The following USP6NL variants were observed in gnomAD, a reference collection of about 807,000 sequenced individuals.
USP6NL encodes USP6 N-terminal like, also known as USP6 N-terminal-like protein.
Under a neutral mutation model 61.9 loss-of-function variants are expected in USP6NL, and 26 were observed. That is an observed-to-expected ratio of 0.42 (90% confidence interval 0.31 to 0.58). USP6NL has a LOEUF of 0.58. Ranked by LOEUF, USP6NL falls within the 20% of genes least tolerant of loss-of-function variation. USP6NL has a pLI of 0.16. For synonymous variants in USP6NL, 432 were observed against 390.1 expected (o/e 1.11, Z -1.27); for missense variants, 1,114 against 1,034.3 (o/e 1.08, Z -1.06).
intron 1 of USP6NL, among the ~76,000 whole-genome samples, chr10:11,601,213 T>A (rs1838517361): frequency 6.6e-6 from 1 of 152,042 alleles, no homozygotes; most frequent in Non-Finnish European, 1.5e-5. Flanking sequence ...ATATCACAAG[T>A]ATTACTGATA....
Position 11,509,980 on chromosome 10 carries a change from G to T in USP6NL, c.196-305C>A, listed in dbSNP as rs527808209. 9.2e-5 allele frequency among the ~76,000 whole-genome samples: 14 copies of T among 152,260 alleles called. No individual in the cohort carries two copies. In the South Asian group the frequency reaches 2.7e-3, roughly 29 times the overall value. On this transcript the variant is annotated intron_variant, in intron 5 of 14. Transcript: ENST00000609104. ...TAAACAAAATTTTAAAAAATATTTT[G>T]AAATATTTTACAAAGCAACAAAAAC...
At chr10:11,567,543 A>T (rs1398662447) in intron 2 of USP6NL, among the ~76,000 whole-genome samples, 1 of 152,250 alleles carries the variant, frequency 6.6e-6, no homozygotes, top group Non-Finnish European at 1.5e-5. Context: ...TATACTGCTT[A>T]TAGTTTTCCA....
At chr10:11,555,904 T>A (rs1836691654) in intron 2 of USP6NL, among the ~76,000 whole-genome samples, 1 of 152,198 alleles carries the variant, frequency 6.6e-6, no homozygotes, top group African/African-American at 2.4e-5. Flanking sequence ...CAAGACATTC[T>A]GAAAGTTTCC....
Position 11,537,881 on chromosome 10 carries a change from G to A in USP6NL, c.5-10314C>T, listed in dbSNP as rs558089453. 6.6e-6 allele frequency among the ~76,000 whole-genome samples: 1 copy of A among 152,260 alleles called. No individual in the cohort carries two copies. The highest frequency in any genetic ancestry group is 2.1e-4 in the South Asian group (1 of 4,824). On this transcript the variant is annotated intron_variant, in intron 2 of 14. Transcript: ENST00000609104. This position sits in a 1 kb window ranked among gnomAD's most constrained non-coding sequence, Gnocchi z 5.1. ...GCTGCCACCTCAGCCTCCCTTCAAG[G>A]AGTCCCCTTGATTCTCCATGGCTTG...
rs2096226721 is a variant in USP6NL at position 11,463,519 on chromosome 10, T to C, written c.1409A>G (p.Asn470Ser). 9 of 1,614,064 alleles carry C rather than the reference T, an allele frequency of 5.6e-6. No individual in the cohort carries two copies. Among genetic ancestry groups the C allele is most frequent in the Non-Finnish European group, 7.6e-6 (9 of 1,179,906 alleles). ...ATTTGAAGTGGCGTTGCTATTTTGG[T>C]TGGCAGCTGCGTGATTATATTGCCT... ...SSRQYNHAAA[N>S]QNSNATSNIR... Residue 470 changes from asparagine to serine, a missense_variant, in exon 15 of 15, where the codon AAC becomes AGC. Asn to Ser is a conservative substitution (Grantham distance 46, BLOSUM62 1). Coordinates refer to ENST00000609104, the MANE Select transcript of USP6NL (RefSeq NM_014688.5). The surrounding 1 kb of genome is among the most constrained non-coding windows in gnomAD (Gnocchi z 6.3).
At position 11,525,610 on chromosome 10, in the gene USP6NL, CA is replaced by C. The variant is rs1336149821; in HGVS notation, c.73-143del. ...GGAAGTGAGGCATTATGAGCCTTAA[CA>C]TTTTTTTTTCCCCTTTAAACCCAAC... On this transcript the variant is annotated intron_variant, in intron 3 of 14. Coordinates refer to ENST00000609104, the MANE Select transcript of USP6NL (RefSeq NM_014688.5). This position sits in a 1 kb window ranked among gnomAD's most constrained non-coding sequence, Gnocchi z 5.0. The C allele has an allele frequency of 1.7e-5, 12 of 717,796 alleles. No homozygotes were observed. Among genetic ancestry groups the C allele is most frequent in the Non-Finnish European group, 2.5e-5 (12 of 476,134 alleles). 44.5% of individuals were successfully genotyped at this position (717,796 alleles called of 1,614,324 possible).
Position 11,485,960 on chromosome 10 carries a change from C to A in USP6NL, c.665-49G>T. On this transcript the variant is annotated intron_variant, in intron 10 of 14. Coordinates refer to ENST00000609104, the MANE Select transcript of USP6NL (RefSeq NM_014688.5). This position sits in a 1 kb window ranked among gnomAD's most constrained non-coding sequence, Gnocchi z 4.8. ...CATTTCATAAACAATACCAACAAAA[C>A]CCTCCAATCTTAAAACACAACATAT... 8.0e-7 allele frequency: 1 copy of A among 1,249,688 alleles called. No homozygotes were observed. Among genetic ancestry groups the A allele is most frequent in the Non-Finnish European group, 1.1e-6 (1 of 903,564 alleles). The allele number at this position is 1,249,688 out of a possible 1,614,324, so 77.4% of individuals were successfully genotyped here.
At chr10:11,533,786 C>A (rs762654807) in intron 2 of USP6NL, among the ~76,000 whole-genome samples, 1 of 152,126 alleles carries the variant, frequency 6.6e-6, no homozygotes, top group Admixed American at 6.5e-5. Context: ...GTTACAGCAG[C>A]ATGAAAACAC....
rs1050331956 is a variant in USP6NL at position 11,575,033 on chromosome 10, C to T, written c.4+22598G>A. ...GTGTTAGGTTCAGAAATCAGTGCTCCAAGCCATGACAGTGAGAAAATACTT... is the reference window on the plus strand; with the variant it reads ...GTGTTAGGTTCAGAAATCAGTGCTCTAAGCCATGACAGTGAGAAAATACTT... On this transcript the variant is annotated intron_variant, in intron 2 of 14. Transcript: ENST00000609104. This position sits in a 1 kb window ranked among gnomAD's most constrained non-coding sequence, Gnocchi z 4.2. 2.0e-5 allele frequency among the ~76,000 whole-genome samples: 3 copies of T among 152,144 alleles called. No homozygotes were observed. Among genetic ancestry groups the T allele is most frequent in the Admixed American group, 6.5e-5 (1 of 15,278 alleles).
chr10:11,597,421 C>T lies in USP6NL; in HGVS notation c.4+210G>A, dbSNP rs1038229061. ...CAAAGAGCTAATGACCAGATTTCCT[C>T]ATCACATGAAACTTTTTAGAATAAA... is the stretch of plus-strand genomic sequence containing the variant. On this transcript the variant is annotated intron_variant, in intron 2 of 14. Transcript: ENST00000609104. The surrounding 1 kb of genome is among the most constrained non-coding windows in gnomAD (Gnocchi z 4.6). 6.6e-6 allele frequency among the ~76,000 whole-genome samples: 1 copy of T among 152,228 alleles called. No individual in the cohort carries two copies. Among genetic ancestry groups the T allele is most frequent in the Non-Finnish European group, 1.5e-5 (1 of 68,034 alleles).
rs1049251043 is a variant in USP6NL at position 11,591,256 on chromosome 10, G to C, written c.4+6375C>G. On this transcript the variant is annotated intron_variant, in intron 2 of 14. Coordinates refer to ENST00000609104, the MANE Select transcript of USP6NL (RefSeq NM_014688.5). This position sits in a 1 kb window ranked among gnomAD's most constrained non-coding sequence, Gnocchi z 4.7. The stretch of plus-strand genomic sequence containing the variant: ...TTCTCTTAAGAATGGAGAGTCTCTT[G>C]AAACTATTATAAAGAAGTCATTTGG... Among the ~76,000 whole-genome samples, 1 of 151,864 alleles carries C rather than the reference G, an allele frequency of 6.6e-6. No individual in the cohort carries two copies. Among genetic ancestry groups the C allele is most frequent in the Non-Finnish European group, 1.5e-5 (1 of 67,932 alleles).
rs938485087 is a variant in USP6NL, at chr10:11,463,958, G to A, written c.1079-109C>T. The A allele has an allele frequency of 7.9e-6, 8 of 1,009,516 alleles. No homozygotes were observed. The highest frequency in any genetic ancestry group is 3.3e-5 in the African/African-American group (2 of 61,040). The allele number at this position is 1,009,516 out of a possible 1,614,324, so 62.5% of individuals were successfully genotyped here. On this transcript the variant is annotated intron_variant, in intron 14 of 14. Transcript: ENST00000609104. This position sits in a 1 kb window ranked among gnomAD's most constrained non-coding sequence, Gnocchi z 6.3. ...GCTTTTCATCTGTGCACAGATACAC[G>A]CTGACATACAACACACTGTCATACA...
intron 2 of USP6NL, among the ~76,000 whole-genome samples, chr10:11,567,633 A>AT (rs1479551907): frequency 6.6e-6 from 1 of 152,268 alleles, no homozygotes; most frequent in East Asian, 1.9e-4. Flanking sequence ...AGAGCTCTGT[A>AT]TTCTGTTCCA....
intron 2 of USP6NL, among the ~76,000 whole-genome samples, chr10:11,534,099 G>A (rs1018503073): frequency 6.6e-6 from 1 of 150,726 alleles, no homozygotes; most frequent in African/African-American, 2.5e-5. Context: ...CCCCACCCTT[G>A]ATATCTGATC....
At chr10:11,494,804 T>C (rs1399614372) in intron 7 of USP6NL, among the ~76,000 whole-genome samples, 1 of 152,228 alleles carries the variant, frequency 6.6e-6, no homozygotes, top group African/African-American at 2.4e-5. Context: ...CTTTCACTAA[T>C]TGACTACTGC....
chr10:11,598,034 T>C lies in USP6NL; in HGVS notation c.-83-317A>G, dbSNP rs117028277. 9.9e-5 allele frequency among the ~76,000 whole-genome samples: 15 copies of C among 152,236 alleles called. No homozygotes were observed. Among genetic ancestry groups the C allele is most frequent in the Non-Finnish European group, 1.8e-4 (12 of 67,998 alleles). ...TCTTCCCCATTCCCAGCTAAGAAAATCACAGGTAGAAGGCACTCCATCTAG... is the reference window on the plus strand; with the variant it reads ...TCTTCCCCATTCCCAGCTAAGAAAACCACAGGTAGAAGGCACTCCATCTAG... On this transcript the variant is annotated intron_variant, in intron 1 of 14. Coordinates refer to ENST00000609104, the MANE Select transcript of USP6NL (RefSeq NM_014688.5). The surrounding 1 kb of genome is among the most constrained non-coding windows in gnomAD (Gnocchi z 4.7).
intron 1 of USP6NL, among the ~76,000 whole-genome samples, chr10:11,604,428 T>C (rs1027470068): frequency 6.6e-6 from 1 of 152,190 alleles, no homozygotes; most frequent in Admixed American, 6.5e-5. Context: ...CAACTATCAC[T>C]TAAAAGAAAG....
intron 4 of USP6NL, among the ~76,000 whole-genome samples, chr10:11,522,439 T>A (rs1158149176): frequency 6.6e-6 from 1 of 152,238 alleles, no homozygotes; most frequent in Non-Finnish European, 1.5e-5. Context: ...AACTCCGGTC[T>A]GTGGTGACAA....
intron 1 of USP6NL, among the ~76,000 whole-genome samples, chr10:11,601,878 C>T (rs1359482071): frequency 6.6e-6 from 1 of 152,114 alleles, no homozygotes; most frequent in African/African-American, 2.4e-5. Context: ...ACCACTAAAG[C>T]TTCTGATCTC....
Sources: gnomAD v4.1 joint callset for allele counts (sites outside exome capture counted in the v4.1 genomes callset) on GRCh38, gnomAD v4.1.1 for gene constraint, Gnocchi (gnomAD v3.1) non-coding constraint, MANE v1.5 for transcripts, NCBI Gene and HGNC (gene_info 2026-07-23, HGNC 2026-07-21) for gene names.